SLC24A2: variants seen among roughly 807,000 people sequenced by gnomAD.
SLC24A2 encodes the protein sodium/potassium/calcium exchanger 2.
SLC24A2 carries 36 observed loss-of-function variants against 62.0 expected under a neutral mutation model. The ratio of observed to expected loss-of-function variants is 0.58; its 90% confidence interval spans 0.44 to 0.77. SLC24A2 has a LOEUF of 0.77. Among genes scored for constraint, SLC24A2 ranks in the 30% least tolerant of loss-of-function variants. The pLI, the probability that SLC24A2 is intolerant of heterozygous loss-of-function variation, is 0.00. For missense variants in SLC24A2, 846 were observed against 817.9 expected, an observed-to-expected ratio of 1.03 and a Z score of -0.42; for synonymous variants, 358 against 294.0, an observed-to-expected ratio of 1.22 and a Z score of -2.23.
At chr9:19,649,696 C>T (rs932790464) in intron 2 of SLC24A2, among the ~76,000 whole-genome samples, 10 of 152,112 alleles carry the variant, frequency 6.6e-5, no homozygotes, top group Admixed American at 3.3e-4. Context: ...CCACTTATTC[C>T]CAGTGGCATG....
At chr9:19,882,996 A>G in the SLC24A2 span, among the ~76,000 whole-genome samples, 1 of 152,204 alleles carries the variant, frequency 6.6e-6, no homozygotes, top group Non-Finnish European at 1.5e-5. Context: ...GAAATCCCAA[A>G]TACGGCATAA....
At chr9:20,244,539 G>A in the SLC24A2 span, among the ~76,000 whole-genome samples, 5 of 152,334 alleles carry the variant, frequency 3.3e-5, no homozygotes, top group East Asian at 1.9e-4. Context: ...TCCAAGAGGC[G>A]CACCAGTGCC....
At chr9:20,132,098 T>C in the SLC24A2 span, among the ~76,000 whole-genome samples, 1 of 152,098 alleles carries the variant, frequency 6.6e-6, no homozygotes, top group Non-Finnish European at 1.5e-5. Flanking sequence ...AGCGTCCTCA[T>C]GAGGCAAACC....
At chr9:19,954,787 G>T in the SLC24A2 span, among the ~76,000 whole-genome samples, 1 of 152,060 alleles carries the variant, frequency 6.6e-6, no homozygotes, top group Non-Finnish European at 1.5e-5. Context: ...GTGCAGTGTT[G>T]TTGCCTCTTT....
intron 2 of SLC24A2, among the ~76,000 whole-genome samples, chr9:19,626,444 A>G (rs1201990171): frequency 6.6e-6 from 1 of 152,234 alleles, no homozygotes; most frequent in African/African-American, 2.4e-5. Context: ...ATGACGTGGC[A>G]TCAGATATAG....
At chr9:20,079,483 C>G in the SLC24A2 span, among the ~76,000 whole-genome samples, 1 of 152,054 alleles carries the variant, frequency 6.6e-6, no homozygotes, top group East Asian at 1.9e-4. Context: ...TTTGTTTTCC[C>G]ACTTATTTTT....
At chr9:19,795,110 G>A in the SLC24A2 span, among the ~76,000 whole-genome samples, 1 of 152,218 alleles carries the variant, frequency 6.6e-6, no homozygotes, top group Non-Finnish European at 1.5e-5. Flanking sequence ...TGAAAGGAAT[G>A]TCACTATTTT....
the SLC24A2 span, among the ~76,000 whole-genome samples, chr9:19,951,250 GTGTGTGTGTGTGTT>G: frequency 2.3e-3 from 333 of 147,390 alleles, 5 homozygotes; most frequent in East Asian, 0.058. Flanking sequence ...GTGTGTGTGT[GTGTGTGTGTGTGTT>G]TTAACATATT....
chr9:19,911,487 T>C, the SLC24A2 span, among the ~76,000 whole-genome samples: 1 of 151,896 alleles, frequency 6.6e-6, no homozygotes, highest in African/African-American at 2.4e-5. Context: ...CCTGAGGAAT[T>C]GCCACACTGT....
At chr9:20,260,842 A>ATTTTTTTTTTT in the SLC24A2 span, among the ~76,000 whole-genome samples, 5 of 124,950 alleles carry the variant, frequency 4.0e-5, no homozygotes, top group African/African-American at 1.6e-4. Context: ...CCAACGTATC[A>ATTTTTTTTTTT]TTCTTTCTTT....
At chr9:19,691,356 C>T (rs1820041447) in intron 2 of SLC24A2, among the ~76,000 whole-genome samples, 1 of 152,056 alleles carries the variant, frequency 6.6e-6, no homozygotes, top group Non-Finnish European at 1.5e-5. Flanking sequence ...GTGAAATCTC[C>T]CATGGGCAGA....
At chr9:20,295,516 G>T in the SLC24A2 span, among the ~76,000 whole-genome samples, 13 of 152,172 alleles carry the variant, frequency 8.5e-5, no homozygotes, top group Admixed American at 7.2e-4. Flanking sequence ...TGTTTCCAGA[G>T]ATTAGTGTGT....
the SLC24A2 span, among the ~76,000 whole-genome samples, chr9:20,028,906 C>A: frequency 1.3e-5 from 2 of 152,196 alleles, no homozygotes; most frequent in African/African-American, 2.4e-5. Flanking sequence ...ATAAAATACA[C>A]CGTGTTTAGT....
chr9:19,675,648 G>T (rs550152355), intron 2 of SLC24A2, among the ~76,000 whole-genome samples: 1 of 152,186 alleles, frequency 6.6e-6, no homozygotes. Flanking sequence ...AAAGCCGGCA[G>T]TTACAGGCCT....
chr9:20,262,382 G>A, the SLC24A2 span, among the ~76,000 whole-genome samples: 2 of 152,200 alleles, frequency 1.3e-5, no homozygotes, highest in Non-Finnish European at 1.5e-5. Flanking sequence ...GGCTATACAT[G>A]AGGACTGAAG....
chr9:19,631,432 C>A (rs992641643), intron 2 of SLC24A2, among the ~76,000 whole-genome samples: 31 of 152,180 alleles, frequency 2.0e-4, no homozygotes, highest in African/African-American at 7.5e-4. Context: ...TCAAACCTCC[C>A]TTCTTTGAAC....
intron 7 of SLC24A2, among the ~76,000 whole-genome samples, chr9:19,554,228 A>G (rs1483486123): frequency 6.6e-6 from 1 of 152,200 alleles, no homozygotes; most frequent in East Asian, 1.9e-4. Context: ...CTCTGAGGAA[A>G]CCAACCCTGC....
At chr9:20,242,658 G>A in the SLC24A2 span, among the ~76,000 whole-genome samples, 2 of 152,284 alleles carry the variant, frequency 1.3e-5, no homozygotes, top group Admixed American at 1.3e-4. Context: ...CTGACTCCGG[G>A]ATGCAACACC....
chr9:20,009,131 G>C, the SLC24A2 span, among the ~76,000 whole-genome samples: 1 of 152,160 alleles, frequency 6.6e-6, no homozygotes, highest in Non-Finnish European at 1.5e-5. Flanking sequence ...AAGTGAGTTG[G>C]AGGTGGACAT....
Sources: gnomAD v4.1 joint callset for allele counts (sites outside exome capture counted in the v4.1 genomes callset) on GRCh38, gnomAD v4.1.1 for gene constraint, MANE v1.5 for transcripts, NCBI Gene and HGNC (gene_info 2026-07-23, HGNC 2026-07-21) for gene names.